The following SPOCK3 variants were observed in gnomAD, a reference collection of about 807,000 sequenced individuals.
The protein encoded by SPOCK3 is SPARC (osteonectin), cwcv and kazal like domains proteoglycan 3, also known as testican-3.
Under a neutral mutation model 56.6 loss-of-function variants are expected in SPOCK3, and 30 were observed. The observed-to-expected ratio is 0.53, with a 90% confidence interval of 0.40 to 0.72. The LOEUF (loss-of-function observed/expected upper bound fraction) is 0.72, where lower values mean the gene tolerates loss of function less well. Among genes scored for constraint, SPOCK3 ranks in the 30% least tolerant of loss-of-function variants. The pLI, the probability that SPOCK3 is intolerant of heterozygous loss-of-function variation, is 0.00. For synonymous variants in SPOCK3, 196 were observed against 183.3 expected, an observed-to-expected ratio of 1.07 and a Z score of -0.56; for missense variants, 527 against 530.0, an observed-to-expected ratio of 0.99 and a Z score of 0.06.
In SPOCK3 at chr4:167,222,833, A is replaced by T. The variant is rs1209484246; in HGVS notation, c.189+11152T>A. The stretch of plus-strand genomic sequence containing the variant: ...AATATATAAATATATAAACATAGAT[A>T]TATATTGATATGTGAATATATAAAT... On this transcript the variant is annotated intron_variant, in intron 2 of 10. Coordinates refer to ENST00000357545, the MANE Select transcript of SPOCK3 (RefSeq NM_001040159.2). Among the ~76,000 whole-genome samples the T allele has an allele frequency of 2.3e-5, 3 of 127,976 alleles. No individual in the cohort carries two copies. In the Admixed American group the frequency reaches 2.5e-4, roughly 11 times the overall value. 84.0% of individuals were successfully genotyped at this position (127,976 alleles called of 152,430 possible). A position where few individuals can be genotyped will look rare whatever the true frequency, so the allele number is the denominator to read the frequency against.
rs141821915 is a variant in SPOCK3 at position 167,055,290 on chromosome 4, T to C, written c.235+7202A>G. ...AATGATTTTAAGTTCAATACATTAA[T>C]AAGCTTTTGAAAATAATACTAGAGA... is the stretch of plus-strand genomic sequence containing the variant. On this transcript the variant is annotated intron_variant, in intron 3 of 10. Transcript: ENST00000357545. Among the ~76,000 whole-genome samples the C allele has an allele frequency of 1.7e-3, 254 of 152,282 alleles. 2 individuals carry two copies. The highest frequency in any genetic ancestry group is 5.6e-3 in the African/African-American group (231 of 41,564).
chr4:166,829,326 G>T (rs1029292702), intron 6 of SPOCK3, among the ~76,000 whole-genome samples: 2 of 152,042 alleles, frequency 1.3e-5, no homozygotes, highest in African/African-American at 4.8e-5. Flanking sequence ...AACTAGCCAG[G>T]TGGCAGAAAA....
intron 3 of SPOCK3, among the ~76,000 whole-genome samples, chr4:167,031,599 T>G (rs1752279803): frequency 6.6e-6 from 1 of 151,974 alleles, no homozygotes; most frequent in South Asian, 2.1e-4. Flanking sequence ...AGATGTCTGC[T>G]CGCCTACAGT....
intron 4 of SPOCK3, among the ~76,000 whole-genome samples, chr4:166,984,753 T>A (rs1746952734): frequency 6.6e-6 from 1 of 152,174 alleles, no homozygotes; most frequent in Admixed American, 6.5e-5. Flanking sequence ...TTCTTCCTTT[T>A]AGCCTCTTAG....
chr4:166,830,032 G>A (rs1174945185), intron 6 of SPOCK3, among the ~76,000 whole-genome samples: 2 of 152,124 alleles, frequency 1.3e-5, no homozygotes, highest in South Asian at 2.1e-4. Context: ...TCACCTTTCT[G>A]AACCAGCAAT....
chr4:167,211,225 G>GTGTATTTACC (rs1734841942), intron 2 of SPOCK3, among the ~76,000 whole-genome samples: 1 of 152,066 alleles, frequency 6.6e-6, no homozygotes, highest in Admixed American at 6.6e-5. Flanking sequence ...TTTGGAATGC[G>GTGTATTTACC]TGTATTTACC....
chr4:167,056,466 C>T (rs572175531), intron 3 of SPOCK3, among the ~76,000 whole-genome samples: 2 of 152,256 alleles, frequency 1.3e-5, no homozygotes, highest in Non-Finnish European at 1.5e-5. Context: ...GAGAAGAAGG[C>T]TTCAGACGAT....
chr4:167,058,139 G>T (rs193068215), intron 3 of SPOCK3, among the ~76,000 whole-genome samples: 1 of 152,138 alleles, frequency 6.6e-6, no homozygotes, highest in South Asian at 2.1e-4. Flanking sequence ...AGTGTTGGAA[G>T]TTCTGGCCAG....
intron 6 of SPOCK3, among the ~76,000 whole-genome samples, chr4:166,833,903 A>G (rs1424106207): frequency 6.6e-6 from 1 of 152,086 alleles, no homozygotes; most frequent in Non-Finnish European, 1.5e-5. Context: ...TCTGCTCAAG[A>G]GCGGTTTGTT....
At chr4:166,950,538 T>A (rs1378611386) in intron 4 of SPOCK3, among the ~76,000 whole-genome samples, 1 of 151,902 alleles carries the variant, frequency 6.6e-6, no homozygotes, top group East Asian at 1.9e-4. Context: ...AGACAGAAAG[T>A]TAACAAGAAT....
intron 2 of SPOCK3, among the ~76,000 whole-genome samples, chr4:167,187,132 T>A (rs1018504966): frequency 5.3e-5 from 8 of 152,128 alleles, no homozygotes; most frequent in Non-Finnish European, 1.0e-4. Flanking sequence ...CCCTAAAGCA[T>A]CAGACATGTA....
chr4:167,056,140 G>T (rs1754824622), intron 3 of SPOCK3, among the ~76,000 whole-genome samples: 1 of 152,170 alleles, frequency 6.6e-6, no homozygotes, highest in East Asian at 1.9e-4. Context: ...AGCATTCGCG[G>T]TTCACAAAAA....
At chr4:166,762,798 GA>G (rs766639672) in intron 7 of SPOCK3, among the ~76,000 whole-genome samples, 2 of 151,492 alleles carry the variant, frequency 1.3e-5, no homozygotes, top group East Asian at 1.9e-4. Context: ...CACTTCAGAA[GA>G]AAAAAAATCC....
intron 2 of SPOCK3, among the ~76,000 whole-genome samples, chr4:167,180,169 G>C (rs1294131544): frequency 2.0e-5 from 3 of 152,148 alleles, no homozygotes; most frequent in African/African-American, 7.2e-5. Flanking sequence ...CACCTTGATA[G>C]AGAAGAGCCA....
At chr4:167,028,429 T>C (rs1277203728) in intron 3 of SPOCK3, among the ~76,000 whole-genome samples, 1 of 151,866 alleles carries the variant, frequency 6.6e-6, no homozygotes, top group Admixed American at 6.6e-5. Flanking sequence ...GCATGTGTAC[T>C]ATTGAAATGA....
intron 2 of SPOCK3, chr4:167,119,873 T>C: frequency 6.6e-7 from 1 of 1,523,010 alleles, no homozygotes; most frequent in Non-Finnish European, 8.8e-7. Flanking sequence ...TTTTTCTTCT[T>C]ACTAATGCCC....
At chr4:166,780,988 G>A (rs1280092078) in intron 7 of SPOCK3, among the ~76,000 whole-genome samples, 2 of 152,038 alleles carry the variant, frequency 1.3e-5, no homozygotes, top group African/African-American at 2.4e-5. Flanking sequence ...GATGCACTGA[G>A]GATAACAAGA....
intron 3 of SPOCK3, among the ~76,000 whole-genome samples, chr4:167,010,400 T>C (rs1232713162): frequency 6.6e-6 from 1 of 151,020 alleles, no homozygotes; most frequent in Admixed American, 6.6e-5. Context: ...ATGCCTGTAG[T>C]CCCAGCTACT....
intron 2 of SPOCK3, among the ~76,000 whole-genome samples, chr4:167,116,470 TTTTG>T (rs1761343444): frequency 1.0e-5 from 1 of 96,792 alleles, no homozygotes; most frequent in Non-Finnish European, 1.9e-5. Context: ...ATATACACAC[TTTTG>T]TATATATATA....
Sources: allele counts gnomAD v4.1 joint callset (sites outside exome capture counted in the v4.1 genomes callset), GRCh38; gene constraint gnomAD v4.1.1; transcripts MANE v1.5; gene names NCBI Gene and HGNC (gene_info 2026-07-23, HGNC 2026-07-21).